MCC: variants seen among roughly 807,000 people sequenced by gnomAD.
MCC encodes colorectal mutant cancer protein.
MCC carries 90 observed loss-of-function variants against 116.2 expected under a neutral mutation model. That is an observed-to-expected ratio of 0.77 (90% confidence interval 0.65 to 0.92). The LOEUF (loss-of-function observed/expected upper bound fraction) is 0.92. Among genes scored for constraint, MCC ranks in the 40% least tolerant of loss-of-function variants. The probability of loss-of-function intolerance (pLI) is 0.00; values close to 1 mark genes in which losing one functional copy is unlikely to be tolerated. For synonymous variants in MCC, 578 were observed against 510.5 expected (o/e 1.13, Z -1.78); for missense variants, 1,516 against 1,312.2 (o/e 1.16, Z -2.40).
At chr5:113,162,725 C>A (rs546992996) in intron 3 of MCC, among the ~76,000 whole-genome samples, 20 of 152,228 alleles carry the variant, frequency 1.3e-4, no homozygotes, top group African/African-American at 4.8e-4. Flanking sequence ...TCTCAAACTC[C>A]TGGGCTCAAG....
chr5:113,320,549 A>C (rs1767398531), intron 3 of MCC, among the ~76,000 whole-genome samples: 1 of 152,022 alleles, frequency 6.6e-6, no homozygotes, highest in Admixed American at 6.6e-5. Flanking sequence ...TACATGTTCC[A>C]AATATTTAGA....
chr5:113,071,353 T>A, intron 11 of MCC, 119 bp from the exon 12 acceptor site: 3 of 966,184 alleles, frequency 3.1e-6, no homozygotes, highest in Non-Finnish European at 4.7e-6. Flanking sequence ...GTCAGATTAG[T>A]AGCTGACACA....
intron 3 of MCC, among the ~76,000 whole-genome samples, chr5:113,264,205 T>C (rs1192568659): frequency 6.6e-6 from 1 of 152,222 alleles, no homozygotes; most frequent in Non-Finnish European, 1.5e-5. Context: ...AGTTTGTCCC[T>C]GCCAAAACTT....
chr5:113,399,418 G>C (rs1769619914), intron 1 of MCC, among the ~76,000 whole-genome samples: 1 of 152,120 alleles, frequency 6.6e-6, no homozygotes, highest in Admixed American at 6.5e-5. Flanking sequence ...CCGGGAGGTG[G>C]AGCTTGCAGT....
rs909237669 is a variant in MCC, at chr5:113,025,730, G to A, written c.*1572C>T. On this transcript the variant is annotated 3_prime_UTR_variant, in exon 19 of 19. Transcript: ENST00000408903. ...ACCAGTTGATCTGTTGTTTCGTTTTGGAGATGGGCAGCCTCACTGCTGGCC... is the reference window on the plus strand; with the variant it reads ...ACCAGTTGATCTGTTGTTTCGTTTTAGAGATGGGCAGCCTCACTGCTGGCC... The A allele has an allele frequency of 3.3e-5, 5 of 152,092 alleles. No individual in the cohort carries two copies. Among genetic ancestry groups the A allele is most frequent in the Non-Finnish European group, 5.9e-5 (4 of 68,034 alleles). The allele number at this position is 152,092 out of a possible 1,614,324, so 9.4% of individuals were successfully genotyped here. A position where few individuals can be genotyped will look rare whatever the true frequency, so the allele number is the denominator to read the frequency against.
intron 8 of MCC, among the ~76,000 whole-genome samples, chr5:113,096,546 A>C (rs1020450352): frequency 5.3e-5 from 8 of 152,252 alleles, no homozygotes; most frequent in Admixed American, 3.3e-4. Context: ...GCTGCATCAG[A>C]AACTTGTACT....
At chr5:113,465,587 G>C (rs193127505) in intron 1 of MCC, among the ~76,000 whole-genome samples, 405 of 152,176 alleles carry the variant, frequency 2.7e-3, no homozygotes, top group Non-Finnish European at 4.5e-3. Context: ...TTTAAAACAA[G>C]ACGAACATTT....
At chr5:113,447,005 C>T (rs1056178166) in intron 1 of MCC, among the ~76,000 whole-genome samples, 2 of 152,072 alleles carry the variant, frequency 1.3e-5, no homozygotes, top group Non-Finnish European at 2.9e-5. Flanking sequence ...TCCAACCCTC[C>T]CCTCATCTTC....
At position 113,142,736 on chromosome 5, in the gene MCC, C is replaced by A. The variant is rs546872150; in HGVS notation, c.884+482G>T. On this transcript the variant is annotated intron_variant, in intron 5 of 18. Coordinates refer to ENST00000408903, the MANE Select transcript of MCC (RefSeq NM_001085377.2). ...TAAGCTCAAAATATAATCAGATTAT[C>A]TGGAAGCCTACATAATGCTTAGTTA... is the stretch of plus-strand genomic sequence containing the variant. 1.4e-4 allele frequency among the ~76,000 whole-genome samples: 21 copies of A among 152,284 alleles called. 1 individual carries two copies. In the East Asian group the frequency reaches 2.9e-3, roughly 21 times the overall value.
intron 2 of MCC, among the ~76,000 whole-genome samples, chr5:113,383,899 T>G (rs1561545912): frequency 6.6e-6 from 1 of 152,144 alleles, no homozygotes; most frequent in Non-Finnish European, 1.5e-5. Context: ...TCTATGCTCA[T>G]TTGGACAGGG....
At chr5:113,461,996 G>C (rs1380798509) in intron 1 of MCC, among the ~76,000 whole-genome samples, 3 of 152,218 alleles carry the variant, frequency 2.0e-5, no homozygotes, top group Non-Finnish European at 2.9e-5. Flanking sequence ...GTGAATGTAA[G>C]TCTGACTGGT....
At chr5:113,294,692 G>A in intron 3 of MCC, 1 of 1,033,124 alleles carries the variant, frequency 9.7e-7, no homozygotes, top group Non-Finnish European at 1.2e-6. Context: ...CCGTTCCGGG[G>A]CAGTGCCACC....
At position 113,488,264 on chromosome 5, in the gene MCC, C is replaced by T; in HGVS notation, c.151G>A (p.Gly51Arg). ...RRLFQTCDGD[G>R]DGYISRNDLL... is the part of the protein sequence containing the mutation. ...GCGTACCTGCTGATGTATCCGTCCC[C>T]GTCGCCGTCGCACGTCTGGAAGAGG... The change falls in exon 1 of 19, where the codon GGG (glycine) becomes AGG (arginine). Residue 51 changes from glycine (G) to arginine (R), a missense_variant. Gly to Arg is a moderately radical substitution (Grantham distance 125, BLOSUM62 -2). Transcript: ENST00000408903. The T allele has an allele frequency of 6.3e-7, 1 of 1,595,196 alleles. No individual in the cohort carries two copies.
intron 1 of MCC, among the ~76,000 whole-genome samples, chr5:113,445,405 C>T (rs1438965510): frequency 6.6e-6 from 1 of 152,014 alleles, no homozygotes; most frequent in Non-Finnish European, 1.5e-5. Context: ...TTTCAGGCTA[C>T]AAAATCAATG....
chr5:113,027,505 T>G (rs1750640064), intron 18 of MCC, 23 bp from the exon 19 acceptor site: 1 of 1,611,962 alleles, frequency 6.2e-7, no homozygotes, highest in Non-Finnish European at 8.5e-7. Flanking sequence ...GAAGGGAAAT[T>G]GGTATTAAGA....
chr5:113,375,895 G>A (rs879486198), intron 2 of MCC, among the ~76,000 whole-genome samples: 1 of 152,070 alleles, frequency 6.6e-6, no homozygotes, highest in Non-Finnish European at 1.5e-5. Context: ...CCTCTTGATG[G>A]GAAAAGCTGC....
chr5:113,293,888 G>A (rs1766607180), intron 3 of MCC, among the ~76,000 whole-genome samples: 1 of 152,136 alleles, frequency 6.6e-6, no homozygotes. Flanking sequence ...AGCCAAGTGG[G>A]AGATGAAATA....
At chr5:113,486,421 C>T (rs536889797) in intron 1 of MCC, among the ~76,000 whole-genome samples, 1 of 152,268 alleles carries the variant, frequency 6.6e-6, no homozygotes, top group East Asian at 1.9e-4. Context: ...GGTAGAATCA[C>T]CGAAAATAAT....
chr5:113,110,086 T>C (rs534251746), intron 6 of MCC, among the ~76,000 whole-genome samples: 9 of 152,298 alleles, frequency 5.9e-5, no homozygotes, highest in African/African-American at 2.2e-4. Flanking sequence ...CCCAAGTAGC[T>C]GGGGTTACAG....
Sources: gnomAD v4.1 joint callset for allele counts (sites outside exome capture counted in the v4.1 genomes callset) on GRCh38, gnomAD v4.1.1 for gene constraint, MANE v1.5 for transcripts, NCBI Gene and HGNC (gene_info 2026-07-23, HGNC 2026-07-21) for gene names.